The following KIF1B variants were observed in gnomAD, a reference collection of about 807,000 sequenced individuals.
KIF1B encodes kinesin family member 1B.
In KIF1B, 76 loss-of-function variants were observed where a neutral mutation model predicts 241.9. The observed-to-expected ratio is 0.31, with a 90% CI of 0.26 to 0.38. The LOEUF (loss-of-function observed/expected upper bound fraction) is 0.38. KIF1B is among the 10% of genes least tolerant of loss of function. The pLI is 1.00. For synonymous variants in KIF1B, 750 were observed against 796.7 expected, an observed-to-expected ratio of 0.94 and a Z score of 0.99; for missense variants, 1,622 against 2,271.4, an observed-to-expected ratio of 0.71 and a Z score of 5.81.
At chr1:10,351,764 G>A (rs528582845) in intron 37 of KIF1B, among the ~76,000 whole-genome samples, 7 of 152,216 alleles carry the variant, frequency 4.6e-5, no homozygotes, top group South Asian at 4.1e-4. Context: ...TCAGGAGTTC[G>A]AGACCAGCCT....
At chr1:10,347,946 T>G in intron 36 of KIF1B, 119 bp downstream of exon 36, 1 of 835,992 alleles carries the variant, frequency 1.2e-6, no homozygotes, top group South Asian at 1.5e-5. Context: ...GGCGGGGCAT[T>G]GTCCTGTTGT....
chr1:10,370,641 GAAAAT>G (rs1339963291), intron 44 of KIF1B, among the ~76,000 whole-genome samples: 2 of 116,164 alleles, frequency 1.7e-5, no homozygotes, highest in Non-Finnish European at 3.3e-5. Context: ...TCTCGAGAAA[GAAAAT>G]AATAATAATA....
intron 1 of KIF1B, among the ~76,000 whole-genome samples, chr1:10,221,796 A>G (rs1426956100): frequency 6.6e-6 from 1 of 152,182 alleles, no homozygotes; most frequent in African/African-American, 2.4e-5. Flanking sequence ...TTGTTTTTGT[A>G]TAACAAACTG....
At chr1:10,259,154 T>C (rs1293435347) in intron 4 of KIF1B, among the ~76,000 whole-genome samples, 4 of 113,692 alleles carry the variant, frequency 3.5e-5, no homozygotes, top group Non-Finnish European at 8.3e-5. Flanking sequence ...ATTCTCCCTC[T>C]TTTTTTTTTT....
chr1:10,244,706 G>A (rs1423993048), intron 2 of KIF1B, among the ~76,000 whole-genome samples: 1 of 150,596 alleles, frequency 6.6e-6, no homozygotes, highest in Non-Finnish European at 1.5e-5. Context: ...TCCGCCTCCC[G>A]GGTTCACGCC....
intron 26 of KIF1B, among the ~76,000 whole-genome samples, chr1:10,325,159 AT>A (rs1183186057): frequency 6.6e-6 from 1 of 152,202 alleles, no homozygotes. Context: ...GTGTTCTGTA[AT>A]TGATTAAGAT....
In KIF1B at chr1:10,308,535, G is replaced by T. The variant is rs1036177127; in HGVS notation, c.2115+11289G>T. The T allele has an allele frequency of 1.3e-5, 13 of 1,024,928 alleles. No individual in the cohort carries two copies. The African/African-American group carries it at 2.2e-4, about 17-fold the overall frequency. 63.5% of individuals were successfully genotyped at this position (1,024,928 alleles called of 1,614,324 possible). A position where few individuals can be genotyped will look rare whatever the true frequency, so the allele number is the denominator to read the frequency against. On this transcript the variant is annotated intron_variant, in intron 22 of 48. Transcript: ENST00000676179. ...TAAGATCTGCCTTTTCAGAAAGGGA[G>T]TGTTAGTTTGTAATGTTAAAAAATA...
Position 10,371,060 on chromosome 1 carries a change from GGTT to G in KIF1B, c.4825-76_4825-74del, listed in dbSNP as rs1414887964. ...ACAAGATGTATCAAAGTGAGGTTCT[GGTT>G]GTTGAAACTCCCTATTGTTACTGTA... On this transcript the variant is annotated intron_variant, in intron 44 of 48. Transcript: ENST00000676179. The G allele has an allele frequency of 1.6e-5, 24 of 1,534,236 alleles. No individual in the cohort carries two copies. The South Asian group carries it at 2.6e-4, about 16-fold the overall frequency.
chr1:10,361,083 C>A, intron 39 of KIF1B, 40 bp downstream of exon 39: 1 of 1,283,240 alleles, frequency 7.8e-7, no homozygotes, highest in African/African-American at 1.5e-5. Flanking sequence ...CAACAGTCAG[C>A]CCTGAACAGT....
At chr1:10,244,568 T>A (rs1433082773) in intron 2 of KIF1B, among the ~76,000 whole-genome samples, 1 of 151,326 alleles carries the variant, frequency 6.6e-6, no homozygotes, top group African/African-American at 2.4e-5. Flanking sequence ...CGCCTCAGCC[T>A]CCCAAAGTGC....
At chr1:10,375,117 T>A (rs1638846106) in intron 47 of KIF1B, 71 bp downstream of exon 47, 1 of 1,545,622 alleles carries the variant, frequency 6.5e-7, no homozygotes. Context: ...CACTCTCTGT[T>A]ACGTGGTGTG....
At position 10,252,152 on chromosome 1, in the gene KIF1B, G is replaced by A. The variant is rs543799651; in HGVS notation, c.107-4095G>A. On this transcript the variant is annotated intron_variant, in intron 2 of 48. Transcript: ENST00000676179. ...CCTCCCAGGTTCAAGCAATTCTCCCGCCTCAGCCTCCCAAGTAGCTGGGAT... is the reference window on the plus strand; with the variant it reads ...CCTCCCAGGTTCAAGCAATTCTCCCACCTCAGCCTCCCAAGTAGCTGGGAT... 9.9e-5 allele frequency among the ~76,000 whole-genome samples: 15 copies of A among 151,928 alleles called. No homozygotes were observed. The East Asian group carries it at 1.9e-3, about 20-fold the overall frequency.
intron 15 of KIF1B, among the ~76,000 whole-genome samples, chr1:10,283,358 A>G (rs149068548): frequency 2.0e-5 from 3 of 152,302 alleles, no homozygotes; most frequent in South Asian, 2.1e-4. Context: ...ATCTCCTCCT[A>G]TGCTGGTACC....
intron 15 of KIF1B, among the ~76,000 whole-genome samples, chr1:10,285,685 C>T (rs1434049182): frequency 6.6e-6 from 1 of 152,160 alleles, no homozygotes; most frequent in Admixed American, 6.5e-5. Flanking sequence ...CACCTTAGTT[C>T]TGCTCTTATT....
chr1:10,307,982 T>G, intron 22 of KIF1B: 1 of 1,056,050 alleles, frequency 9.5e-7, no homozygotes, highest in Non-Finnish European at 1.1e-6. Context: ...TACATTGAAG[T>G]GACTTGAAGT....
In KIF1B at chr1:10,258,677, AAAAC is replaced by A; in HGVS notation, c.363+9_363+12del. The A allele has an allele frequency of 6.2e-7, 1 of 1,612,562 alleles. No individual in the cohort carries two copies. Among genetic ancestry groups the A allele is most frequent in the Non-Finnish European group, 8.5e-7 (1 of 1,178,762 alleles). ...CAGGCTGGCATCATTCCACAGGTGA[AAAAC>A]AAAACAAAACAAAAATCTTCTCTTC... On this transcript the variant is annotated splice_donor_region_variant and intron_variant, in intron 4 of 48. Coordinates refer to ENST00000676179, the MANE Select transcript of KIF1B (RefSeq NM_001365951.3).
At chr1:10,271,935 G>A (rs1269363224) in intron 8 of KIF1B, among the ~76,000 whole-genome samples, 1 of 152,196 alleles carries the variant, frequency 6.6e-6, no homozygotes, top group Non-Finnish European at 1.5e-5. Flanking sequence ...AGTGGGAATA[G>A]GATATACAAG....
chr1:10,378,616 A>G lies in KIF1B; in HGVS notation c.*2029A>G. On this transcript the variant is annotated 3_prime_UTR_variant, in exon 49 of 49. Coordinates refer to ENST00000676179, the MANE Select transcript of KIF1B (RefSeq NM_001365951.3). Reference sequence around the variant, plus strand: ...CTCTCAGGCGTTAGGCAGCTGGATGACTTCCCGCTTCACGCAGCAAAGGCC... The same window carrying G: ...CTCTCAGGCGTTAGGCAGCTGGATGGCTTCCCGCTTCACGCAGCAAAGGCC... 6.8e-6 allele frequency: 4 copies of G among 588,316 alleles called. No homozygotes were observed. The highest frequency in any genetic ancestry group is 1.2e-5 in the Non-Finnish European group (4 of 329,422). The allele number at this position is 588,316 out of a possible 1,614,324, so 36.4% of individuals were successfully genotyped here.
chr1:10,238,566 A>G lies in KIF1B; in HGVS notation c.106+6132A>G, dbSNP rs535532709. Among the ~76,000 whole-genome samples the G allele has an allele frequency of 3.3e-5, 5 of 151,856 alleles. No homozygotes were observed. In the East Asian group the frequency reaches 5.8e-4, roughly 18 times the overall value. On this transcript the variant is annotated intron_variant, in intron 2 of 48. Transcript: ENST00000676179. ...CAAAAATACAAAAAATTAGCTGAGC[A>G]TGGTGGTGCGCGCCTGTGGTTGCAG...
Sources: allele counts gnomAD v4.1 joint callset (sites outside exome capture counted in the v4.1 genomes callset), GRCh38; gene constraint gnomAD v4.1.1; transcripts MANE v1.5; gene names NCBI Gene and HGNC (gene_info 2026-07-23, HGNC 2026-07-21).